CELF2: variants seen among roughly 807,000 people sequenced by gnomAD.
CELF2 encodes the protein CUG triplet repeat RNA-binding protein 2.
In CELF2, 8 loss-of-function variants were observed where a neutral mutation model predicts 62.6. The observed-to-expected ratio is 0.13, with a 90% CI of 0.07 to 0.23. The LOEUF (loss-of-function observed/expected upper bound fraction) is 0.23. Among genes scored for constraint, CELF2 ranks in the 10% least tolerant of loss-of-function variants. The pLI, the probability that CELF2 is intolerant of heterozygous loss-of-function variation, is 1.00. For missense variants in CELF2, 333 were observed against 671.0 expected (o/e 0.50, Z 5.56); for synonymous variants, 258 against 250.0 (o/e 1.03, Z -0.30).
chr10:11,196,698 C>T (rs2057591129), intron 2 of CELF2, among the ~76,000 whole-genome samples: 1 of 151,712 alleles, frequency 6.6e-6, no homozygotes, highest in Non-Finnish European at 1.5e-5. Flanking sequence ...TGGCTCACAC[C>T]TGTAATCCCA....
chr10:10,466,701 T>G, the CELF2 span, among the ~76,000 whole-genome samples: 1 of 152,150 alleles, frequency 6.6e-6, no homozygotes, highest in African/African-American at 2.4e-5. Context: ...TGGGTATCTT[T>G]GCCAACATTT....
chr10:10,919,068 C>G (rs1313360079), intron 1 of CELF2, among the ~76,000 whole-genome samples: 1 of 151,952 alleles, frequency 6.6e-6, no homozygotes, highest in East Asian at 1.9e-4. Flanking sequence ...GTCAGGAGGT[C>G]GAGACTAGCC....
At chr10:11,022,809 G>T (rs2058548577) in intron 1 of CELF2, among the ~76,000 whole-genome samples, 1 of 152,092 alleles carries the variant, frequency 6.6e-6, no homozygotes, top group Non-Finnish European at 1.5e-5. Flanking sequence ...TCATTGTTGA[G>T]ACTTATATGT....
At chr10:11,232,059 G>A (rs1052403533) in intron 3 of CELF2, among the ~76,000 whole-genome samples, 4 of 152,004 alleles carry the variant, frequency 2.6e-5, no homozygotes, top group African/African-American at 9.7e-5. Flanking sequence ...TGTTACTTAT[G>A]TATACATGTG....
At chr10:10,822,646 T>C (rs2057058976) in intron 1 of CELF2, among the ~76,000 whole-genome samples, 1 of 152,234 alleles carries the variant, frequency 6.6e-6, no homozygotes, top group Non-Finnish European at 1.5e-5. Context: ...TTTTAATATA[T>C]AGACCTGATT....
At chr10:10,675,973 T>G in the CELF2 span, among the ~76,000 whole-genome samples, 1 of 152,244 alleles carries the variant, frequency 6.6e-6, no homozygotes. Context: ...GCTTGCTGTA[T>G]CTCTTCAAAC....
intron 1 of CELF2, among the ~76,000 whole-genome samples, chr10:10,844,753 G>A (rs2132609203): frequency 6.6e-6 from 1 of 152,228 alleles, no homozygotes; most frequent in East Asian, 1.9e-4. Context: ...AAAGGGTTTT[G>A]ATTGGGATTA....
the CELF2 span, among the ~76,000 whole-genome samples, chr10:10,696,803 C>T: frequency 4.6e-5 from 7 of 152,136 alleles, no homozygotes; most frequent in South Asian, 8.3e-4. Context: ...TGACCCCTTG[C>T]GCTTCCCAAG....
At chr10:11,166,380 G>A (rs143848716) in intron 2 of CELF2, among the ~76,000 whole-genome samples, 285 of 152,306 alleles carry the variant, frequency 1.9e-3, no homozygotes, top group Non-Finnish European at 3.0e-3. Context: ...AGATGACGGT[G>A]ATGGGGGGCA....
In CELF2 at chr10:11,314,118, T is replaced by G. The variant is rs1321337292; in HGVS notation, c.977-21T>G. On this transcript the variant is annotated intron_variant, in intron 9 of 12. Transcript: ENST00000633077. This position sits in a 1 kb window ranked among gnomAD's most constrained non-coding sequence, Gnocchi z 5.3. Reference sequence around the variant, plus strand: ...TCACCTCGTGTCTTCTCTCCCCTTGTCTCTGTTTTCCTTTTTTCAGTGGCT... The same window carrying G: ...TCACCTCGTGTCTTCTCTCCCCTTGGCTCTGTTTTCCTTTTTTCAGTGGCT... 37 of 1,482,698 alleles carry G rather than the reference T, an allele frequency of 2.5e-5. No individual in the cohort carries two copies. Among genetic ancestry groups the G allele is most frequent in the Non-Finnish European group, 3.3e-5 (37 of 1,120,908 alleles). 91.8% of individuals were successfully genotyped at this position (1,482,698 alleles called of 1,614,324 possible).
chr10:10,661,341 C>G, the CELF2 span, among the ~76,000 whole-genome samples: 3 of 152,206 alleles, frequency 2.0e-5, no homozygotes, highest in Admixed American at 2.0e-4. Context: ...GTATTCATAG[C>G]TCATGCTCTT....
chr10:10,537,086 A>G, the CELF2 span, among the ~76,000 whole-genome samples: 2 of 152,202 alleles, frequency 1.3e-5, no homozygotes, highest in East Asian at 1.9e-4. Context: ...GCCATGATGC[A>G]CATAGGAACA....
the CELF2 span, among the ~76,000 whole-genome samples, chr10:10,603,501 C>T: frequency 6.6e-6 from 1 of 152,100 alleles, no homozygotes; most frequent in Non-Finnish European, 1.5e-5. Flanking sequence ...GCATTGCAAT[C>T]TAAACTCTTC....
chr10:11,222,478 A>G (rs1381146785), intron 3 of CELF2, among the ~76,000 whole-genome samples: 2 of 152,224 alleles, frequency 1.3e-5, no homozygotes, highest in East Asian at 3.8e-4. Context: ...ATGGAAAACA[A>G]CCGAAACATC....
the CELF2 span, among the ~76,000 whole-genome samples, chr10:10,495,686 A>T: frequency 6.6e-6 from 1 of 152,134 alleles, no homozygotes; most frequent in South Asian, 2.1e-4. Context: ...TCAGTACTGC[A>T]ATTACCATGA....
At chr10:10,933,256 T>G (rs1194483160) in intron 2 of CELF2, among the ~76,000 whole-genome samples, 1 of 152,154 alleles carries the variant, frequency 6.6e-6, no homozygotes, top group South Asian at 2.1e-4. Flanking sequence ...TGAGCCATGA[T>G]GGCACCACTG....
chr10:10,821,601 C>G (rs1291864039), intron 1 of CELF2, among the ~76,000 whole-genome samples: 2 of 152,204 alleles, frequency 1.3e-5, no homozygotes, highest in Non-Finnish European at 2.9e-5. Flanking sequence ...TCCTGACTCT[C>G]TCTTCCAGCT....
At chr10:10,735,424 C>T in the CELF2 span, among the ~76,000 whole-genome samples, 1 of 152,120 alleles carries the variant, frequency 6.6e-6, no homozygotes, top group Admixed American at 6.5e-5. Flanking sequence ...AGCACAACAG[C>T]TAAATTAAGT....
At chr10:10,580,390 T>C in the CELF2 span, among the ~76,000 whole-genome samples, 52 of 152,296 alleles carry the variant, frequency 3.4e-4, no homozygotes, top group African/African-American at 1.2e-3. Flanking sequence ...AGTCTCCAGA[T>C]TCTATTTCTT....
Sources: gnomAD v4.1 joint callset for allele counts (sites outside exome capture counted in the v4.1 genomes callset) on GRCh38, gnomAD v4.1.1 for gene constraint, Gnocchi (gnomAD v3.1) non-coding constraint, MANE v1.5 for transcripts, NCBI Gene and HGNC (gene_info 2026-07-23, HGNC 2026-07-21) for gene names.